The following TMEM120B variants were observed in gnomAD, a reference collection of about 807,000 sequenced individuals.
The protein encoded by TMEM120B is transmembrane protein 120B.
Under a neutral mutation model 55.5 loss-of-function variants are expected in TMEM120B, and 31 were observed. The observed-to-expected ratio is 0.56, with a 90% CI of 0.42 to 0.75. The LOEUF (loss-of-function observed/expected upper bound fraction) is 0.75, where lower values mean the gene tolerates loss of function less well. Ranked by LOEUF, TMEM120B falls within the 30% of genes least tolerant of loss-of-function variation. TMEM120B has a pLI of 0.00. For synonymous variants in TMEM120B, 203 were observed against 176.3 expected, an observed-to-expected ratio of 1.15 and a Z score of -1.20; for missense variants, 399 against 425.5, an observed-to-expected ratio of 0.94 and a Z score of 0.55.
Position 121,750,368 on chromosome 12 carries a change from G to A in TMEM120B, c.306-12G>A, listed in dbSNP as rs1873236922. ...GCTAAGGATCATGCCCCTCACAGGT[G>A]TTTCCTTCCAGGCTCTACTTGAACC... On this transcript the variant is annotated splice_polypyrimidine_tract_variant and intron_variant, in intron 3 of 11. Transcript: ENST00000449592. 2 of 1,612,254 alleles carry A rather than the reference G, an allele frequency of 1.2e-6. No homozygotes were observed. Among genetic ancestry groups the A allele is most frequent in the Non-Finnish European group, 8.5e-7 (1 of 1,178,928 alleles).
Position 121,712,953 on chromosome 12 carries a change from C to A in TMEM120B, c.58C>A (p.Gln20Lys), listed in dbSNP as rs1192375067. 6 of 1,543,030 alleles carry A rather than the reference C, an allele frequency of 3.9e-6. No homozygotes were observed. The highest frequency in any genetic ancestry group is 5.2e-6 in the Non-Finnish European group (6 of 1,150,882). The change falls in exon 1 of 12, where the codon CAA becomes AAA. Residue 20 changes from glutamine to lysine, a missense_variant. By Grantham distance (53) the Gln-to-Lys change is moderately conservative. Around this residue, in one of 3 missense-constraint regions of TMEM120B, gnomAD observed 133 missense variants for 104.1 expected, o/e 1.28. Coordinates refer to ENST00000449592, the MANE Select transcript of TMEM120B (RefSeq NM_001080825.2). ...ATGGCACGAGCTGGAGGGAGAATTT[C>A]AAGAACTGCAGGTAGGGCCAGGCCA... The part of the protein sequence containing the change: ...REWHELEGEF[Q>K]ELQETHRIYK...
At chr12:121,754,918 A>G (rs1372745514) in intron 5 of TMEM120B, among the ~76,000 whole-genome samples, 1 of 152,072 alleles carries the variant, frequency 6.6e-6, no homozygotes, top group Non-Finnish European at 1.5e-5. Flanking sequence ...ACCTTAGGCA[A>G]ATGACGAACC....
At position 121,745,915 on chromosome 12, in the gene TMEM120B, G is replaced by A. The variant is rs1194909520; in HGVS notation, c.188+2168G>A. Among the ~76,000 whole-genome samples, 4 of 152,104 alleles carry A rather than the reference G, an allele frequency of 2.6e-5. No individual in the cohort carries two copies. The East Asian group carries it at 5.8e-4, about 22-fold the overall frequency. The stretch of plus-strand genomic sequence containing the variant: ...TTTGCTCTGTCACCCAGGCTGGAAT[G>A]CAGTGGTGCTATCTTGGCTCACTGA... On this transcript the variant is annotated intron_variant, in intron 2 of 11. Coordinates refer to ENST00000449592, the MANE Select transcript of TMEM120B (RefSeq NM_001080825.2).
chr12:121,762,477 G>A (rs1299959664), intron 6 of TMEM120B, among the ~76,000 whole-genome samples: 1 of 152,150 alleles, frequency 6.6e-6, no homozygotes, highest in Non-Finnish European at 1.5e-5. Flanking sequence ...TCACTGGGTC[G>A]CACTGGCTAT....
At chr12:121,718,791 G>A (rs932400886) in intron 1 of TMEM120B, among the ~76,000 whole-genome samples, 4 of 152,122 alleles carry the variant, frequency 2.6e-5, no homozygotes, top group East Asian at 1.9e-4. Flanking sequence ...AGTCTGACTG[G>A]TTTTAAGCCA....
chr12:121,715,947 A>G (rs1466351713), intron 1 of TMEM120B, among the ~76,000 whole-genome samples: 1 of 150,876 alleles, frequency 6.6e-6, no homozygotes, highest in Non-Finnish European at 1.5e-5. Context: ...GGGACTCTGT[A>G]TATGGTAAGT....
intron 2 of TMEM120B, among the ~76,000 whole-genome samples, chr12:121,746,861 G>A (rs915368788): frequency 6.6e-6 from 1 of 152,032 alleles, no homozygotes; most frequent in Non-Finnish European, 1.5e-5. Flanking sequence ...GGGAGGCTGA[G>A]GCAGGAGAAT....
At chr12:121,732,499 G>A (rs1895019911) in intron 1 of TMEM120B, among the ~76,000 whole-genome samples, 1 of 152,086 alleles carries the variant, frequency 6.6e-6, no homozygotes, top group Non-Finnish European at 1.5e-5. Flanking sequence ...CAAAATTATG[G>A]GAAGGCCCAC....
At chr12:121,758,374 G>A in intron 5 of TMEM120B, 1 of 985,492 alleles carries the variant, frequency 1.0e-6, no homozygotes, top group Non-Finnish European at 1.2e-6. Context: ...CGCCTTCAAA[G>A]CTGGATCGGC....
intron 5 of TMEM120B, among the ~76,000 whole-genome samples, chr12:121,759,596 T>G (rs1873602341): frequency 6.6e-6 from 1 of 151,892 alleles, no homozygotes; most frequent in Non-Finnish European, 1.5e-5. Context: ...GAAAATCGCT[T>G]GAACCCAGGA....
In TMEM120B at chr12:121,740,376, C is replaced by T. The variant is rs575717458; in HGVS notation, c.70-3253C>T. Reference sequence around the variant, plus strand: ...GTGCATGCCTGTAATCCCAGCTACTCGGGAGGCTGAGGCAGGAGAATCGCT... The same window carrying T: ...GTGCATGCCTGTAATCCCAGCTACTTGGGAGGCTGAGGCAGGAGAATCGCT... On this transcript the variant is annotated intron_variant, in intron 1 of 11. Transcript: ENST00000449592. 4.6e-5 allele frequency among the ~76,000 whole-genome samples: 7 copies of T among 151,354 alleles called. No individual in the cohort carries two copies. The South Asian group carries it at 8.4e-4, about 18-fold the overall frequency.
chr12:121,781,250 GGGTGAA>G lies in TMEM120B; in HGVS notation c.*5531_*5536del, dbSNP rs1874447408. The G allele has an allele frequency of 6.7e-7, 1 of 1,496,226 alleles. No individual in the cohort carries two copies. The highest frequency in any genetic ancestry group is 1.4e-5 in the African/African-American group (1 of 72,768). The allele number at this position is 1,496,226 out of a possible 1,614,324, so 92.7% of individuals were successfully genotyped here. ...GTCCCCTCCCTGTCTGGACTCTGACGGGTGAAGGGGAAGGGGCCAGGCAAGTGACCC... is the reference window on the plus strand; with the variant it reads ...GTCCCCTCCCTGTCTGGACTCTGACGGGGGAAGGGGCCAGGCAAGTGACCC... On this transcript the variant is annotated 3_prime_UTR_variant, in exon 12 of 12. Transcript: ENST00000449592.
At position 121,780,752 on chromosome 12, in the gene TMEM120B, C is replaced by A; in HGVS notation, c.*5030C>A. 4.3e-6 allele frequency: 5 copies of A among 1,168,072 alleles called. No homozygotes were observed. The highest frequency in any genetic ancestry group is 5.9e-6 in the Non-Finnish European group (5 of 846,422). The allele number at this position is 1,168,072 out of a possible 1,614,324, so 72.4% of individuals were successfully genotyped here. ...TCAATACTAATAGTTAAAAATTATT[C>A]TTAGAATCTTGCTTCCCTCAGCTCC... On this transcript the variant is annotated 3_prime_UTR_variant, in exon 12 of 12. Coordinates refer to ENST00000449592, the MANE Select transcript of TMEM120B (RefSeq NM_001080825.2).
At chr12:121,756,292 G>A (rs1873473655) in intron 5 of TMEM120B, among the ~76,000 whole-genome samples, 1 of 152,120 alleles carries the variant, frequency 6.6e-6, no homozygotes, top group South Asian at 2.1e-4. Flanking sequence ...GAGCCCAGGA[G>A]TTCAAAACCA....
rs372853368 is a variant in TMEM120B, at chr12:121,715,430, T to G, written c.69+2466T>G. Reference sequence around the variant, plus strand: ...ATAGCAAGTCTTGGCAGGCAGAGGTTGCAAAGGAGTTGTTTGACTCTTTCT... The same window carrying G: ...ATAGCAAGTCTTGGCAGGCAGAGGTGGCAAAGGAGTTGTTTGACTCTTTCT... On this transcript the variant is annotated intron_variant, in intron 1 of 11. Coordinates refer to ENST00000449592, the MANE Select transcript of TMEM120B (RefSeq NM_001080825.2). 9.2e-5 allele frequency among the ~76,000 whole-genome samples: 14 copies of G among 152,314 alleles called. No homozygotes were observed. In the East Asian group the frequency reaches 1.7e-3, roughly 19 times the overall value.
In TMEM120B at chr12:121,777,539, C is replaced by T. The variant is rs1413090957; in HGVS notation, c.*1817C>T. 2 of 152,246 alleles carry T rather than the reference C, an allele frequency of 1.3e-5. No homozygotes were observed. The highest frequency in any genetic ancestry group is 4.8e-5 in the African/African-American group (2 of 41,452). 9.4% of individuals were successfully genotyped at this position (152,246 alleles called of 1,614,324 possible). A position where few individuals can be genotyped will look rare whatever the true frequency, so the allele number is the denominator to read the frequency against. ...TCCCGTGGCACAGGACGCCTACTCT[C>T]CAGTTGCCACAGGCCCTGCCACCCC... On this transcript the variant is annotated 3_prime_UTR_variant, in exon 12 of 12. Transcript: ENST00000449592.
intron 1 of TMEM120B, among the ~76,000 whole-genome samples, chr12:121,722,352 C>A (rs950353640): frequency 7.9e-5 from 12 of 152,222 alleles, no homozygotes; most frequent in Non-Finnish European, 1.5e-4. Flanking sequence ...TCACCTCAGC[C>A]TCCCACAGTG....
At chr12:121,747,281 G>T (rs1873117036) in intron 2 of TMEM120B, among the ~76,000 whole-genome samples, 1 of 139,336 alleles carries the variant, frequency 7.2e-6, no homozygotes, top group Admixed American at 7.3e-5. Flanking sequence ...TGGGGTAGAA[G>T]GCGGGAGGCT....
chr12:121,741,034 T>G (rs575510693), intron 1 of TMEM120B, among the ~76,000 whole-genome samples: 16 of 152,286 alleles, frequency 1.1e-4, no homozygotes, highest in African/African-American at 3.6e-4. Context: ...TTATGGATAC[T>G]GCAATGCCAA....
Sources: allele counts gnomAD v4.1 joint callset (sites outside exome capture counted in the v4.1 genomes callset), GRCh38; gene constraint gnomAD v4.1.1; regional missense constraint gnomAD v4.1.1; transcripts MANE v1.5; gene names NCBI Gene and HGNC (gene_info 2026-07-23, HGNC 2026-07-21).